UIMC1: variants seen among roughly 807,000 people sequenced by gnomAD.
The protein encoded by UIMC1 is ubiquitin interaction motif containing 1, also known as BRCA1-A complex subunit RAP80.
A neutral mutation model predicts 84.9 loss-of-function variants in UIMC1; 42 were observed. That is an observed-to-expected ratio of 0.49 (90% CI 0.39 to 0.64). The LOEUF (loss-of-function observed/expected upper bound fraction) is 0.64, where lower values mean the gene tolerates loss of function less well. UIMC1 is among the 30% of genes least tolerant of loss of function. UIMC1 has a pLI of 0.00. For missense variants in UIMC1, 825 were observed against 847.6 expected, an observed-to-expected ratio of 0.97 and a Z score of 0.33; for synonymous variants, 281 against 293.0, an observed-to-expected ratio of 0.96 and a Z score of 0.42.
chr5:176,915,458 A>ATTT (rs554389479), intron 10 of UIMC1, among the ~76,000 whole-genome samples: 3 of 144,428 alleles, frequency 2.1e-5, no homozygotes, highest in African/African-American at 7.6e-5. Flanking sequence ...ACAGTAAATA[A>ATTT]TTTTTTTTTT....
At chr5:176,947,820 GAA>G (rs751545705) in intron 9 of UIMC1, among the ~76,000 whole-genome samples, 1 of 113,206 alleles carries the variant, frequency 8.8e-6, no homozygotes, top group Admixed American at 9.3e-5. Context: ...CATCTCAAAA[GAA>G]AAAAAAAAAA....
At chr5:176,937,093 C>G (rs1472480338) in intron 10 of UIMC1, among the ~76,000 whole-genome samples, 7 of 152,160 alleles carry the variant, frequency 4.6e-5, no homozygotes, top group Admixed American at 2.0e-4. Flanking sequence ...AGGTGTCTAA[C>G]ACAATTGGCC....
At chr5:176,949,689 T>C (rs113688729) in intron 9 of UIMC1, among the ~76,000 whole-genome samples, 5 of 152,324 alleles carry the variant, frequency 3.3e-5, no homozygotes, top group East Asian at 1.9e-4. Context: ...GCATGATTCA[T>C]GAAGGCAGAA....
At chr5:176,906,757 C>G (rs901932258) in intron 13 of UIMC1, among the ~76,000 whole-genome samples, 1 of 152,298 alleles carries the variant, frequency 6.6e-6, no homozygotes, top group Non-Finnish European at 1.5e-5. Context: ...GAATGATGCA[C>G]AAAACAATAG....
chr5:176,930,961 T>C (rs1335006608), intron 10 of UIMC1, among the ~76,000 whole-genome samples: 2 of 152,372 alleles, frequency 1.3e-5, no homozygotes, highest in South Asian at 4.1e-4. Flanking sequence ...TCTGCTTTCC[T>C]GAAACCGACT....
chr5:176,905,243 TC>T lies in UIMC1; in HGVS notation c.*38del. On this transcript the variant is annotated 3_prime_UTR_variant, in exon 15 of 15. Transcript: ENST00000511320. ...TGGCTTAATGAACATGGCCCACCCC[TC>T]CTACTAATGGTTTTGTCAACTTTTG... 6.2e-7 allele frequency: 1 copy of T among 1,605,004 alleles called. No individual in the cohort carries two copies. The highest frequency in any genetic ancestry group is 8.5e-7 in the Non-Finnish European group (1 of 1,173,838).
intron 10 of UIMC1, among the ~76,000 whole-genome samples, chr5:176,928,906 G>A (rs1031760477): frequency 8.0e-5 from 12 of 149,356 alleles, no homozygotes; most frequent in African/African-American, 2.0e-4. Context: ...AGAGGAGATC[G>A]CGCCACTGCA....
chr5:176,915,308 T>C (rs1482062011), intron 10 of UIMC1, among the ~76,000 whole-genome samples: 1 of 151,742 alleles, frequency 6.6e-6, no homozygotes, highest in Non-Finnish European at 1.5e-5. Flanking sequence ...TAATAAATAC[T>C]TGCTGAATTA....
chr5:176,990,512 A>T (rs1208029543), intron 1 of UIMC1, among the ~76,000 whole-genome samples: 1 of 152,158 alleles, frequency 6.6e-6, no homozygotes, highest in Non-Finnish European at 1.5e-5. Context: ...CACAAATTAA[A>T]ACACAAATAA....
intron 9 of UIMC1, among the ~76,000 whole-genome samples, chr5:176,948,772 A>G (rs531462137): frequency 5.6e-4 from 86 of 152,306 alleles, no homozygotes; most frequent in African/African-American, 1.9e-3. Context: ...ATTTAAAGCC[A>G]TGTCTTCTAA....
At chr5:176,929,012 C>T (rs908435884) in intron 10 of UIMC1, among the ~76,000 whole-genome samples, 3 of 150,630 alleles carry the variant, frequency 2.0e-5, no homozygotes, top group Non-Finnish European at 4.4e-5. Flanking sequence ...CCAGCACTTT[C>T]GGAGGCCAAG....
intron 1 of UIMC1, among the ~76,000 whole-genome samples, chr5:176,984,073 C>A (rs1376513709): frequency 7.4e-6 from 1 of 135,066 alleles, no homozygotes; most frequent in African/African-American, 2.9e-5. Context: ...TCTGCCCGGC[C>A]GCCCCGTCTG....
chr5:176,908,177 G>C (rs994480386), intron 12 of UIMC1, among the ~76,000 whole-genome samples: 2 of 151,660 alleles, frequency 1.3e-5, no homozygotes, highest in South Asian at 2.1e-4. Flanking sequence ...GAGAGAGAAG[G>C]GGGGAGAGGG....
chr5:176,953,452 T>C (rs182648138), intron 8 of UIMC1, among the ~76,000 whole-genome samples: 1,611 of 149,476 alleles, frequency 0.011, 10 homozygotes, highest in South Asian at 0.025. Context: ...CTAGAATTAA[T>C]TATATTTTAA....
chr5:176,968,917 T>C lies in UIMC1; in HGVS notation c.838A>G (p.Ile280Val). ...TCTACTCCATCAGGGCAGAATGGAA[T>C]ACCCCAGAAATAGTTCACAGTGCCC... Reference protein sequence around the residue: ...TGGTVNYFWGIPFCPDGVDPN... With the variant: ...TGGTVNYFWGVPFCPDGVDPN... Residue 280 changes from isoleucine to valine, a missense_variant, in exon 6 of 15, where the codon ATT (isoleucine) becomes GTT (valine). Physicochemically the swap from Ile to Val is conservative, Grantham distance 29 (BLOSUM62 3). Transcript: ENST00000511320. 1 of 1,614,140 alleles carries C rather than the reference T, an allele frequency of 6.2e-7. No homozygotes were observed. Among genetic ancestry groups the C allele is most frequent in the Non-Finnish European group, 8.5e-7 (1 of 1,180,012 alleles).
intron 1 of UIMC1, among the ~76,000 whole-genome samples, chr5:176,988,497 G>A (rs1772352925): frequency 6.6e-6 from 1 of 152,066 alleles, no homozygotes; most frequent in Non-Finnish European, 1.5e-5. Context: ...GCAGATTAGT[G>A]ATTACCAGAA....
intron 10 of UIMC1, among the ~76,000 whole-genome samples, 198 bp from the exon 11 acceptor site, chr5:176,911,587 A>G (rs756691664): frequency 3.3e-5 from 5 of 152,174 alleles, no homozygotes; most frequent in Non-Finnish European, 7.3e-5. Context: ...TGTTTTGACA[A>G]TATTCTGTCC....
At chr5:176,959,385 G>C (rs1216726991) in intron 6 of UIMC1, among the ~76,000 whole-genome samples, 1 of 152,176 alleles carries the variant, frequency 6.6e-6, no homozygotes, top group East Asian at 1.9e-4. Flanking sequence ...TCTGCCTTAG[G>C]CTAAAGCATA....
At chr5:176,960,705 T>G (rs1237251914) in intron 6 of UIMC1, among the ~76,000 whole-genome samples, 1 of 58,536 alleles carries the variant, frequency 1.7e-5, no homozygotes, top group Non-Finnish European at 3.0e-5. Context: ...GAAGCTGGAC[T>G]GTACTGCTGC....
Sources: allele counts gnomAD v4.1 joint callset (sites outside exome capture counted in the v4.1 genomes callset), GRCh38; gene constraint gnomAD v4.1.1; transcripts MANE v1.5; gene names NCBI Gene and HGNC (gene_info 2026-07-23, HGNC 2026-07-21).